Variants in LINGO2 observed in about 807,000 individuals in gnomAD.
LINGO2 encodes the protein leucine rich repeat and Ig domain containing 2, also known as leucine-rich repeat and immunoglobulin-like domain-containing nogo receptor-interacting protein 2.
Under a neutral mutation model 30.6 loss-of-function variants are expected in LINGO2, and 14 were observed. The ratio of observed to expected loss-of-function variants is 0.46; its 90% confidence interval spans 0.30 to 0.72. The LOEUF is 0.72. Ranked by LOEUF, LINGO2 falls within the 30% of genes least tolerant of loss-of-function variation. The pLI, the probability that LINGO2 is intolerant of heterozygous loss-of-function variation, is 0.07. For missense variants in LINGO2, 729 were observed against 751.7 expected (o/e 0.97, Z 0.35); for synonymous variants, 317 against 288.5 (o/e 1.10, Z -1.00).
At position 28,057,122 on chromosome 9, in the gene LINGO2, A is replaced by T. The variant is rs150633516; in HGVS notation, c.-86-44717T>A. Among the ~76,000 whole-genome samples the T allele has an allele frequency of 2.4e-3, 363 of 152,262 alleles. 13 individuals are homozygous for T. The South Asian group carries it at 0.048, about 20-fold the overall frequency. On this transcript the variant is annotated intron_variant, in intron 4 of 5. Transcript: ENST00000379992. ...GTTGCGCTTATGAATGAATGCAGTT[A>T]GACCAAAAAGTTAAACCTGACTTAA...
the LINGO2 span, among the ~76,000 whole-genome samples, chr9:29,102,010 A>C: frequency 6.6e-6 from 1 of 152,110 alleles, no homozygotes; most frequent in African/African-American, 2.4e-5. Flanking sequence ...AAAAGTATTT[A>C]AGTCATAGTT....
At chr9:28,012,252 A>G (rs1340704807) in intron 5 of LINGO2, 2 of 152,082 alleles carry the variant, frequency 1.3e-5, no homozygotes, top group East Asian at 3.9e-4. Flanking sequence ...CATATGAGCT[A>G]CACATGGGGA....
At chr9:28,041,803 C>T (rs943607624) in intron 4 of LINGO2, among the ~76,000 whole-genome samples, 3 of 152,088 alleles carry the variant, frequency 2.0e-5, no homozygotes, top group African/African-American at 4.8e-5. Context: ...CTACAACATA[C>T]AAATTTATAG....
chr9:28,090,059 A>C (rs1430653898), intron 4 of LINGO2, among the ~76,000 whole-genome samples: 1 of 152,148 alleles, frequency 6.6e-6, no homozygotes, highest in Non-Finnish European at 1.5e-5. Flanking sequence ...TCTGAAATTG[A>C]GGCAATAATT....
At chr9:28,381,885 A>G (rs563237697) in intron 2 of LINGO2, among the ~76,000 whole-genome samples, 34 of 152,170 alleles carry the variant, frequency 2.2e-4, no homozygotes, top group African/African-American at 7.9e-4. Context: ...CACCATTTAC[A>G]TTTTGTTTCT....
chr9:28,028,726 A>AT (rs1471507007), intron 4 of LINGO2, among the ~76,000 whole-genome samples: 1 of 152,102 alleles, frequency 6.6e-6, no homozygotes, highest in East Asian at 1.9e-4. Context: ...AAATTGTTAT[A>AT]TTGTATTTGT....
At chr9:28,956,263 T>C in the LINGO2 span, among the ~76,000 whole-genome samples, 1 of 152,018 alleles carries the variant, frequency 6.6e-6, no homozygotes, top group African/African-American at 2.4e-5. Flanking sequence ...TATGTAATCT[T>C]AGTTGGAGAG....
At chr9:28,499,959 A>G (rs181076740) in intron 1 of LINGO2, among the ~76,000 whole-genome samples, 3 of 152,330 alleles carry the variant, frequency 2.0e-5, no homozygotes, top group Admixed American at 2.0e-4. Flanking sequence ...GATGGTAGTC[A>G]GTTAAAATGA....
the LINGO2 span, among the ~76,000 whole-genome samples, chr9:29,116,042 T>C: frequency 2.0e-5 from 3 of 151,908 alleles, no homozygotes; most frequent in African/African-American, 7.2e-5. Flanking sequence ...TCAGGAGTAC[T>C]AGAAAAAAAT....
At chr9:28,418,932 C>A (rs1397074522) in intron 2 of LINGO2, among the ~76,000 whole-genome samples, 1 of 152,020 alleles carries the variant, frequency 6.6e-6, no homozygotes, top group East Asian at 1.9e-4. Context: ...TAGTACCAAT[C>A]AAAATATTCA....
chr9:28,414,369 T>C (rs1822889957), intron 2 of LINGO2, among the ~76,000 whole-genome samples: 3 of 152,094 alleles, frequency 2.0e-5, no homozygotes, highest in Admixed American at 2.0e-4. Flanking sequence ...ATATAAAATA[T>C]ATTTTGTTAA....
At chr9:29,018,179 T>C in the LINGO2 span, among the ~76,000 whole-genome samples, 2 of 150,390 alleles carry the variant, frequency 1.3e-5, no homozygotes, top group African/African-American at 4.9e-5. Context: ...AGCAAACTGA[T>C]GCAAGAAGAG....
At chr9:28,309,827 C>G (rs993258500) in intron 3 of LINGO2, among the ~76,000 whole-genome samples, 4 of 150,846 alleles carry the variant, frequency 2.7e-5, no homozygotes, top group African/African-American at 7.3e-5. Flanking sequence ...AAAAGCAAAC[C>G]AATTTAAAAA....
chr9:28,381,481 T>TTG (rs1463667293), intron 2 of LINGO2, among the ~76,000 whole-genome samples: 2 of 152,070 alleles, frequency 1.3e-5, no homozygotes, highest in Non-Finnish European at 2.9e-5. Flanking sequence ...TTATAACTAT[T>TTG]TGTGTGGGGA....
the LINGO2 span, among the ~76,000 whole-genome samples, chr9:28,856,478 G>T: frequency 6.6e-6 from 1 of 151,988 alleles, no homozygotes; most frequent in African/African-American, 2.4e-5. Flanking sequence ...GACTTATCTG[G>T]ACTGTCCCCA....
chr9:28,084,630 C>T (rs1403757338), intron 4 of LINGO2, among the ~76,000 whole-genome samples: 1 of 152,004 alleles, frequency 6.6e-6, no homozygotes, highest in Non-Finnish European at 1.5e-5. Context: ...TCAAGACTCC[C>T]AGTAGTAGGT....
At position 28,536,219 on chromosome 9, in the gene LINGO2, T is replaced by C. The variant is rs184208829; in HGVS notation, c.-364-60194A>G. ...AAGTGTGGTGGGAAAGTTTTAGAGA[T>C]AAGATATCAAATTTTACATAATTCT... On this transcript the variant is annotated intron_variant, in intron 1 of 5. Coordinates refer to ENST00000379992, the Ensembl canonical transcript of LINGO2. Among the ~76,000 whole-genome samples, 3 of 152,228 alleles carry C rather than the reference T, an allele frequency of 2.0e-5. 1 individual carries two copies. In the East Asian group the frequency reaches 5.8e-4, roughly 30 times the overall value.
chr9:28,145,287 C>A lies in LINGO2; in HGVS notation c.-86-132882G>T, dbSNP rs16912533. ...TGGGGGTTGAATACAGTGATACATG[C>A]AGGGAGTTTCTGACACATGGGATAA... On this transcript the variant is annotated intron_variant, in intron 4 of 5. Coordinates refer to ENST00000379992, the Ensembl canonical transcript of LINGO2. 6.9e-3 allele frequency among the ~76,000 whole-genome samples: 1,047 copies of A among 152,252 alleles called. 10 individuals are homozygous for A. Among genetic ancestry groups the A allele is most frequent in the African/African-American group, 0.023 (975 of 41,548 alleles).
chr9:28,857,203 C>CT, the LINGO2 span, among the ~76,000 whole-genome samples: 3 of 151,886 alleles, frequency 2.0e-5, no homozygotes, highest in African/African-American at 7.3e-5. Flanking sequence ...AATTGAAGCC[C>CT]TTGGAACAGA....
Sources: allele counts gnomAD v4.1 joint callset (sites outside exome capture counted in the v4.1 genomes callset), GRCh38; gene constraint gnomAD v4.1.1; transcripts MANE v1.5; gene names NCBI Gene and HGNC (gene_info 2026-07-23, HGNC 2026-07-21).